The following PHKB variants were observed in gnomAD, a reference collection of about 807,000 sequenced individuals.
The protein encoded by PHKB is phosphorylase kinase regulatory subunit beta, also known as phosphorylase b kinase regulatory subunit beta.
PHKB carries 122 observed loss-of-function variants against 152.1 expected under a neutral mutation model. The ratio of observed to expected loss-of-function variants is 0.80; its 90% CI spans 0.69 to 0.93. The LOEUF (loss-of-function observed/expected upper bound fraction) is 0.93, where lower values mean the gene tolerates loss of function less well. Among genes scored for constraint, PHKB ranks in the 40% least tolerant of loss-of-function variants. The pLI is 0.00. For missense variants in PHKB, 1,304 were observed against 1,328.4 expected (o/e 0.98, Z 0.29); for synonymous variants, 436 against 464.9 (o/e 0.94, Z 0.80).
chr16:47,673,258 G>T (rs1275031575), intron 26 of PHKB, among the ~76,000 whole-genome samples: 4 of 151,896 alleles, frequency 2.6e-5, no homozygotes, highest in Non-Finnish European at 5.9e-5. Context: ...ATAAATATTG[G>T]ATTGTTTAAC....
intron 6 of PHKB, 83 bp downstream of exon 6, chr16:47,515,684 T>C: frequency 1.4e-6 from 1 of 726,188 alleles, no homozygotes; most frequent in Non-Finnish European, 2.5e-6. Context: ...AACTTATTTT[T>C]AGTTTATGTA....
chr16:47,564,101 A>T (rs746376647), intron 7 of PHKB, among the ~76,000 whole-genome samples: 1 of 135,706 alleles, frequency 7.4e-6, no homozygotes, highest in Non-Finnish European at 1.5e-5. Flanking sequence ...AGTTGATTCT[A>T]TGTCTTTATA....
chr16:47,669,717 T>C (rs1973605825), intron 26 of PHKB, among the ~76,000 whole-genome samples: 1 of 152,196 alleles, frequency 6.6e-6, no homozygotes, highest in Non-Finnish European at 1.5e-5. Flanking sequence ...AGCACAGTAC[T>C]TGCAAAAATT....
chr16:47,533,294 C>T (rs931959591), intron 6 of PHKB, among the ~76,000 whole-genome samples: 6 of 152,102 alleles, frequency 3.9e-5, no homozygotes, highest in African/African-American at 1.4e-4. Context: ...CATAGGCAGG[C>T]TCAAAAAAGG....
At chr16:47,628,255 G>C (rs1597134693) in intron 14 of PHKB, among the ~76,000 whole-genome samples, 1 of 152,132 alleles carries the variant, frequency 6.6e-6, no homozygotes, top group Non-Finnish European at 1.5e-5. Context: ...ACTACTGGCC[G>C]GGCGCGGTGG....
intron 1 of PHKB, among the ~76,000 whole-genome samples, chr16:47,471,832 T>C (rs1969773792): frequency 6.6e-6 from 1 of 152,208 alleles, no homozygotes; most frequent in Non-Finnish European, 1.5e-5. Context: ...AATGTATATG[T>C]GTCACGAGGT....
intron 20 of PHKB, among the ~76,000 whole-genome samples, chr16:47,659,499 G>A (rs1461130633): frequency 6.6e-6 from 1 of 152,124 alleles, no homozygotes; most frequent in Non-Finnish European, 1.5e-5. Context: ...AATTAGAAGT[G>A]ACACATAATG....
chr16:47,576,041 A>C (rs1367768414), intron 7 of PHKB, among the ~76,000 whole-genome samples: 1 of 152,168 alleles, frequency 6.6e-6, no homozygotes, highest in Non-Finnish European at 1.5e-5. Context: ...GCGCCATTGC[A>C]CTCCAGCTTG....
At chr16:47,549,362 G>C (rs888189796) in intron 7 of PHKB, among the ~76,000 whole-genome samples, 1 of 152,058 alleles carries the variant, frequency 6.6e-6, no homozygotes, top group Non-Finnish European at 1.5e-5. Flanking sequence ...TATTTTCAGC[G>C]TGAAATATTT....
chr16:47,498,863 A>G (rs1970276488), intron 2 of PHKB, among the ~76,000 whole-genome samples: 2 of 152,170 alleles, frequency 1.3e-5, no homozygotes, highest in African/African-American at 4.8e-5. Context: ...TGATCATGCA[A>G]CTGCATTCCA....
chr16:47,557,285 A>G (rs1462620069), intron 7 of PHKB, among the ~76,000 whole-genome samples: 6 of 152,228 alleles, frequency 3.9e-5, no homozygotes, highest in Non-Finnish European at 8.8e-5. Context: ...AAACCCTAGA[A>G]GAAAACCTAG....
chr16:47,601,132 A>G (rs1244100096), intron 13 of PHKB, among the ~76,000 whole-genome samples: 1 of 151,942 alleles, frequency 6.6e-6, no homozygotes, highest in Non-Finnish European at 1.5e-5. Context: ...CCAGAGGATC[A>G]CCTGAGCCCT....
chr16:47,461,639 C>G (rs1969559599), intron 1 of PHKB, among the ~76,000 whole-genome samples: 1 of 152,224 alleles, frequency 6.6e-6, no homozygotes, highest in African/African-American at 2.4e-5. Context: ...GCGTGTGCCC[C>G]CGACTCTATT....
At chr16:47,489,744 G>A (rs982008365) in intron 1 of PHKB, among the ~76,000 whole-genome samples, 3 of 152,144 alleles carry the variant, frequency 2.0e-5, no homozygotes, top group Non-Finnish European at 4.4e-5. Flanking sequence ...TTACCATGGG[G>A]CTTTTATTAG....
intron 27 of PHKB, among the ~76,000 whole-genome samples, chr16:47,690,951 G>T (rs1455237100): frequency 6.6e-6 from 1 of 152,152 alleles, no homozygotes; most frequent in Non-Finnish European, 1.5e-5. Context: ...CGGGCATGGT[G>T]GCTCAAGCTT....
At chr16:47,620,891 A>T (rs78517644) in intron 14 of PHKB, among the ~76,000 whole-genome samples, 2 of 140,336 alleles carry the variant, frequency 1.4e-5, no homozygotes, top group East Asian at 1.9e-4. Context: ...TAAAAAATAT[A>T]AAAAAAAAGA....
chr16:47,691,693 A>T (rs551169338), intron 27 of PHKB, among the ~76,000 whole-genome samples: 1 of 150,730 alleles, frequency 6.6e-6, no homozygotes. Flanking sequence ...ATAGAGTCAG[A>T]TCCTGTCTCA....
At chr16:47,489,287 G>A (rs1032674721) in intron 1 of PHKB, among the ~76,000 whole-genome samples, 6 of 152,096 alleles carry the variant, frequency 3.9e-5, no homozygotes, top group African/African-American at 9.7e-5. Flanking sequence ...TCCTGACCTC[G>A]TGAGGAGAAC....
Position 47,641,627 on chromosome 16 carries a change from AT to A in PHKB, c.1545del (p.Gln516LysfsTer8). On this transcript the variant is annotated frameshift_variant, in exon 16 of 31. Coordinates refer to ENST00000323584, the MANE Select transcript of PHKB (RefSeq NM_000293.3). LOFTEE classifies it high-confidence loss of function. ...RLQVFLNTYG[I>X]QTQTPQQVEP... Reference sequence around the variant, plus strand: ...TCAAGTTTTTCTGAACACATATGGTATTCAAACTCAAACTCCTCAACAAGTA... The same window carrying A: ...TCAAGTTTTTCTGAACACATATGGTATCAAACTCAAACTCCTCAACAAGTA... The A allele has an allele frequency of 1.9e-6, 3 of 1,599,450 alleles. No homozygotes were observed. Among genetic ancestry groups the A allele is most frequent in the Non-Finnish European group, 2.6e-6 (3 of 1,166,532 alleles).
Sources: gnomAD v4.1 joint callset for allele counts (sites outside exome capture counted in the v4.1 genomes callset) on GRCh38, gnomAD v4.1.1 for gene constraint, MANE v1.5 for transcripts, NCBI Gene and HGNC (gene_info 2026-07-23, HGNC 2026-07-21) for gene names.